AAGAB: variants seen among roughly 807,000 people sequenced by gnomAD.
The protein encoded by AAGAB is alpha- and gamma-adaptin-binding protein p34.
Under a neutral mutation model 44.1 loss-of-function variants are expected in AAGAB, and 38 were observed. The ratio of observed to expected loss-of-function variants is 0.86; its 90% CI spans 0.67 to 1.13. The LOEUF is 1.13. Ranked by LOEUF, AAGAB falls within the 50% of genes most tolerant of loss-of-function variation. The pLI is 0.00. For synonymous variants in AAGAB, 131 were observed against 131.8 expected (o/e 0.99, Z 0.04); for missense variants, 450 against 373.8 (o/e 1.20, Z -1.68).
chr15:67,213,402 C>G (rs567987078), intron 5 of AAGAB, among the ~76,000 whole-genome samples: 2 of 151,928 alleles, frequency 1.3e-5, no homozygotes, highest in African/African-American at 4.8e-5. Flanking sequence ...AATTATTTGC[C>G]ACCTCTTTAC....
intron 1 of AAGAB, among the ~76,000 whole-genome samples, chr15:67,248,924 C>T (rs534309269): frequency 6.6e-5 from 10 of 152,202 alleles, no homozygotes; most frequent in African/African-American, 2.2e-4. Flanking sequence ...TCTACTGCAA[C>T]CTTAAAATAA....
intron 5 of AAGAB, among the ~76,000 whole-genome samples, chr15:67,215,838 G>T (rs1389254065): frequency 1.3e-5 from 2 of 152,096 alleles, no homozygotes; most frequent in African/African-American, 4.8e-5. Context: ...ATAATTACGA[G>T]AATCAATTTA....
At position 67,202,740 on chromosome 15, in the gene AAGAB, G is replaced by A; in HGVS notation, c.*81C>T. ...CAGCCAACATGATAAGGGCAATTTT[G>A]GCAAAATATGACTGGGCTGAGTAGA... On this transcript the variant is annotated 3_prime_UTR_variant, in exon 10 of 10. Coordinates refer to ENST00000261880, the MANE Select transcript of AAGAB (RefSeq NM_024666.5). 1.4e-6 allele frequency: 2 copies of A among 1,438,048 alleles called. No individual in the cohort carries two copies. Among genetic ancestry groups the A allele is most frequent in the East Asian group, 4.6e-5 (2 of 43,804 alleles). The allele number at this position is 1,438,048 out of a possible 1,614,324, so 89.1% of individuals were successfully genotyped here. A position where few individuals can be genotyped will look rare whatever the true frequency, so the allele number is the denominator to read the frequency against.
Position 67,200,961 on chromosome 15 carries a change from T to C in AAGAB, c.*1860A>G, listed in dbSNP as rs1963557190. On this transcript the variant is annotated 3_prime_UTR_variant, in exon 10 of 10. Coordinates refer to ENST00000261880, the MANE Select transcript of AAGAB (RefSeq NM_024666.5). ...TATATGTCTAATCCAATGAAGGATA[T>C]AGGGCTTCCCTCACTCATACCCCCT... 1 of 152,360 alleles carries C rather than the reference T, an allele frequency of 6.6e-6. No homozygotes were observed. Among genetic ancestry groups the C allele is most frequent in the South Asian group, 2.1e-4 (1 of 4,824 alleles). 9.4% of individuals were successfully genotyped at this position (152,360 alleles called of 1,614,324 possible).
Position 67,231,820 on chromosome 15 carries a change from T to C in AAGAB, c.529A>G (p.Lys177Glu). Residue 177 changes from lysine (K) to glutamate (E), a missense_variant, in exon 5 of 10, where the codon AAG becomes GAG. Physicochemically the swap from Lys to Glu is moderately conservative, Grantham distance 56 (BLOSUM62 1). Coordinates refer to ENST00000261880, the MANE Select transcript of AAGAB (RefSeq NM_024666.5). Reference protein sequence around the residue: ...NANVWSNVVMKNDRNQGFSLL... With the variant: ...NANVWSNVVMENDRNQGFSLL... ...TGAGTCCCAAGTTACTTACCATTCT[T>C]CATCACTACATTGGACCACACATTG... 1 of 1,610,554 alleles carries C rather than the reference T, an allele frequency of 6.2e-7. No individual in the cohort carries two copies. Among genetic ancestry groups the C allele is most frequent in the Non-Finnish European group, 8.5e-7 (1 of 1,177,076 alleles).
At chr15:67,247,963 A>T (rs2140397670) in intron 1 of AAGAB, among the ~76,000 whole-genome samples, 1 of 152,346 alleles carries the variant, frequency 6.6e-6, no homozygotes, top group African/African-American at 2.4e-5. Context: ...CATATTTTAC[A>T]TGTATAGAAC....
intron 1 of AAGAB, among the ~76,000 whole-genome samples, chr15:67,247,890 G>A (rs1168285478): frequency 6.6e-6 from 1 of 152,106 alleles, no homozygotes; most frequent in Non-Finnish European, 1.5e-5. Flanking sequence ...ATCACCTACT[G>A]CAATTTCTCC....
intron 5 of AAGAB, among the ~76,000 whole-genome samples, chr15:67,211,942 C>T (rs1441755532): frequency 6.6e-6 from 1 of 151,544 alleles, no homozygotes; most frequent in Non-Finnish European, 1.5e-5. Flanking sequence ...TGCAGTGGTG[C>T]GATCTCGGCT....
intron 7 of AAGAB, among the ~76,000 whole-genome samples, chr15:67,205,526 T>A (rs1963665256): frequency 6.6e-6 from 1 of 152,124 alleles, no homozygotes; most frequent in South Asian, 2.1e-4. Flanking sequence ...AAGAAGGGTA[T>A]CTACCAAAGA....
chr15:67,218,840 G>C (rs539371728), intron 5 of AAGAB, among the ~76,000 whole-genome samples: 2 of 152,294 alleles, frequency 1.3e-5, no homozygotes, highest in Admixed American at 1.3e-4. Flanking sequence ...CAACTAAGCA[G>C]CTGAGGTTTT....
At position 67,241,369 on chromosome 15, in the gene AAGAB, C is replaced by T. The variant is rs558246007; in HGVS notation, c.74-4549G>A. On this transcript the variant is annotated intron_variant, in intron 1 of 9. Transcript: ENST00000261880. Reference sequence around the variant, plus strand: ...TCAAGATGATCCTTCCGGAAACCAGCACTCTTCTCAGAATGCAAAGTTGGT... The same window carrying T: ...TCAAGATGATCCTTCCGGAAACCAGTACTCTTCTCAGAATGCAAAGTTGGT... Among the ~76,000 whole-genome samples, 17 of 152,316 alleles carry T rather than the reference C, an allele frequency of 1.1e-4. No homozygotes were observed. In the East Asian group the frequency reaches 3.1e-3, roughly 28 times the overall value.
chr15:67,213,804 G>A (rs971784682), intron 5 of AAGAB, among the ~76,000 whole-genome samples: 3 of 152,192 alleles, frequency 2.0e-5, no homozygotes, highest in Admixed American at 6.5e-5. Flanking sequence ...TGCTAAATAT[G>A]TGCAAGGTAA....
rs1050285 is a variant in AAGAB at position 67,202,156 on chromosome 15, T to C, written c.*665A>G. 0.45 allele frequency: 68,730 copies of C among 152,394 alleles called. 15,973 individuals carry two copies. Among genetic ancestry groups the C allele is most frequent in the Non-Finnish European group, 0.52 (35,460 of 68,118 alleles). 9.4% of individuals were successfully genotyped at this position (152,394 alleles called of 1,614,324 possible). Reference sequence around the variant, plus strand: ...CCCCCACAACTCAGTAGAGAGGTTTTCTTCCCACTGGAATAGAAATCCTTT... The same window carrying C: ...CCCCCACAACTCAGTAGAGAGGTTTCCTTCCCACTGGAATAGAAATCCTTT... On this transcript the variant is annotated 3_prime_UTR_variant, in exon 10 of 10. Coordinates refer to ENST00000261880, the MANE Select transcript of AAGAB (RefSeq NM_024666.5).
intron 8 of AAGAB, 34 bp downstream of exon 8, chr15:67,204,010 A>C (rs1369196842): frequency 7.6e-7 from 1 of 1,307,398 alleles, no homozygotes; most frequent in African/African-American, 1.5e-5. Context: ...AAGCATCAAC[A>C]TGGGAACATA....
At chr15:67,222,256 A>ACG (rs1964096563) in intron 5 of AAGAB, among the ~76,000 whole-genome samples, 1 of 148,788 alleles carries the variant, frequency 6.7e-6, no homozygotes, top group East Asian at 2.0e-4. Context: ...ACACACACAC[A>ACG]CACACACACA....
At chr15:67,224,452 T>G (rs186236714) in intron 5 of AAGAB, among the ~76,000 whole-genome samples, 1 of 152,162 alleles carries the variant, frequency 6.6e-6, no homozygotes, top group Non-Finnish European at 1.5e-5. Context: ...TAGACCATAC[T>G]AGAAACAAGT....
chr15:67,225,104 G>C (rs1211231679), intron 5 of AAGAB, among the ~76,000 whole-genome samples: 2 of 152,162 alleles, frequency 1.3e-5, no homozygotes, highest in Admixed American at 6.5e-5. Context: ...ACTCCCTTGG[G>C]TGAGGCTCAG....
chr15:67,209,462 C>G lies in AAGAB; in HGVS notation c.618G>C (p.Glu206Asp). Residue 206 changes from glutamate to aspartate, a missense_variant and splice_region_variant, in exon 6 of 10, where the codon GAG (glutamate) becomes GAC (aspartate). Physicochemically the swap from Glu to Asp is conservative, Grantham distance 45 (BLOSUM62 2). Transcript: ENST00000261880. The stretch of plus-strand genomic sequence containing the variant: ...AAAAAGATCCAAGAAAAACCTTTAC[C>G]TCTGGGTGACAGGGATCTGCTGACC... ...SIGSADPCHP[E>D]QPHLPAADST... is the part of the protein sequence containing the mutation. The G allele has an allele frequency of 6.2e-7, 1 of 1,613,416 alleles. No homozygotes were observed. Among genetic ancestry groups the G allele is most frequent in the African/African-American group, 1.3e-5 (1 of 75,018 alleles).
intron 5 of AAGAB, among the ~76,000 whole-genome samples, chr15:67,217,109 GACC>G (rs1219585174): frequency 6.6e-6 from 1 of 151,780 alleles, no homozygotes; most frequent in Non-Finnish European, 1.5e-5. Context: ...TTTAATTTTT[GACC>G]ACAACATTCA....
Sources: allele counts gnomAD v4.1 joint callset (sites outside exome capture counted in the v4.1 genomes callset), GRCh38; gene constraint gnomAD v4.1.1; transcripts MANE v1.5; gene names NCBI Gene and HGNC (gene_info 2026-07-23, HGNC 2026-07-21).